UBE3B: variants seen among roughly 807,000 people sequenced by gnomAD.
UBE3B encodes the protein ubiquitin protein ligase E3B.
In UBE3B, 80 loss-of-function variants were observed where a neutral mutation model predicts 132.3. The observed-to-expected ratio is 0.60, with a 90% CI of 0.50 to 0.73. The LOEUF (loss-of-function observed/expected upper bound fraction) is 0.73. Ranked by LOEUF, UBE3B falls within the 30% of genes least tolerant of loss-of-function variation. The pLI, the probability that UBE3B is intolerant of heterozygous loss-of-function variation, is 0.00. For synonymous variants in UBE3B, 487 were observed against 520.4 expected (o/e 0.94, Z 0.87); for missense variants, 1,196 against 1,362.5 (o/e 0.88, Z 1.92).
At chr12:109,525,075 G>A (rs139010836) in intron 23 of UBE3B, among the ~76,000 whole-genome samples, 23 of 152,260 alleles carry the variant, frequency 1.5e-4, no homozygotes, top group African/African-American at 4.8e-4. Flanking sequence ...ACCACGCCAT[G>A]AGCTTCTTAA....
intron 26 of UBE3B, among the ~76,000 whole-genome samples, chr12:109,533,014 C>T (rs1883103022): frequency 6.6e-6 from 1 of 152,232 alleles, no homozygotes; most frequent in African/African-American, 2.4e-5. Context: ...TCTGTTCGCA[C>T]CACGTGCAGT....
At position 109,482,538 on chromosome 12, in the gene UBE3B, A is replaced by G. The variant is rs561907019; in HGVS notation, c.-22+796A>G. Among the ~76,000 whole-genome samples the G allele has an allele frequency of 3.3e-5, 5 of 152,336 alleles. No homozygotes were observed. In the South Asian group the frequency reaches 8.3e-4, roughly 25 times the overall value. On this transcript the variant is annotated intron_variant, in intron 2 of 27. Transcript: ENST00000342494. ...TTCATGTGGGTGCTACTTCAAGTAAAGTAGCCTGGTAGAGAGATTGTTTTC... is the reference window on the plus strand; with the variant it reads ...TTCATGTGGGTGCTACTTCAAGTAAGGTAGCCTGGTAGAGAGATTGTTTTC...
chr12:109,511,316 C>G lies in UBE3B; in HGVS notation c.1956+13C>G, dbSNP rs995028114. The G allele has an allele frequency of 3.1e-6, 5 of 1,612,458 alleles. No individual in the cohort carries two copies. Among genetic ancestry groups the G allele is most frequent in the Non-Finnish European group, 4.2e-6 (5 of 1,178,758 alleles). Reference sequence around the variant, plus strand: ...CCCTCACAAAAACGTGAGTTGCACTCAGAGCTGGGCCCCGATGTGTCTTTC... The same window carrying G: ...CCCTCACAAAAACGTGAGTTGCACTGAGAGCTGGGCCCCGATGTGTCTTTC... On this transcript the variant is annotated intron_variant, in intron 18 of 27. Coordinates refer to ENST00000342494, the MANE Select transcript of UBE3B (RefSeq NM_130466.4).
rs1337257519 is a variant in UBE3B at position 109,483,903 on chromosome 12, C to G, written c.204C>G (p.Ser68=). The G allele has an allele frequency of 6.2e-7, 1 of 1,613,944 alleles. No individual in the cohort carries two copies. The highest frequency in any genetic ancestry group is 1.1e-5 in the South Asian group (1 of 91,026). The part of the protein sequence containing the change: ...DDFFKADDPE[S]TKRSALCIFK... ...TTTTTAAAGCAGATGACCCTGAGTC[C>G]ACTAAAAGAAGTGCACTTTGTATTT... Residue 68 remains serine (S), a synonymous_variant, in exon 4 of 28, where the codon TCC becomes TCG. Transcript: ENST00000342494.
At chr12:109,514,918 T>C (rs1025848997) in intron 18 of UBE3B, among the ~76,000 whole-genome samples, 15 of 151,424 alleles carry the variant, frequency 9.9e-5, no homozygotes, top group Admixed American at 2.0e-4. Context: ...TCTTCTTCTT[T>C]TTTTTTTTTT....
rs1592917256 is a variant in UBE3B at position 109,501,572 on chromosome 12, T to C, written c.1282+38T>C. On this transcript the variant is annotated intron_variant, in intron 13 of 27. Coordinates refer to ENST00000342494, the MANE Select transcript of UBE3B (RefSeq NM_130466.4). ...AGCAGGCCCAACCCTGTAGCTCCAC[T>C]TGGCTGAAGTACAGCTCCTGTTTCT... The C allele has an allele frequency of 8.2e-6, 13 of 1,593,196 alleles. No homozygotes were observed. In the East Asian group the frequency reaches 1.1e-4, roughly 14 times the overall value.
intron 5 of UBE3B, 92 bp downstream of exon 5, chr12:109,486,163 C>A: frequency 7.6e-7 from 1 of 1,320,774 alleles, no homozygotes; most frequent in Non-Finnish European, 1.0e-6. Context: ...AGGACCAATT[C>A]ACACACAAAT....
At chr12:109,512,074 C>T (rs1027951607) in intron 18 of UBE3B, among the ~76,000 whole-genome samples, 12 of 152,066 alleles carry the variant, frequency 7.9e-5, no homozygotes, top group African/African-American at 1.4e-4. Context: ...AGTTCAGCAT[C>T]GAGCAGGTAG....
chr12:109,545,611 A>G, the UBE3B span, among the ~76,000 whole-genome samples: 2 of 152,198 alleles, frequency 1.3e-5, no homozygotes, highest in African/African-American at 4.8e-5. Context: ...GCCACACTCC[A>G]GAGCCCTCAC....
intron 9 of UBE3B, among the ~76,000 whole-genome samples, chr12:109,495,236 G>A (rs1878023474): frequency 6.6e-6 from 1 of 152,200 alleles, no homozygotes; most frequent in South Asian, 2.1e-4. Context: ...AAAGTATATA[G>A]TGTGAATTCT....
At chr12:109,497,746 T>G in intron 9 of UBE3B, 72 bp from the exon 10 acceptor site, 1 of 1,443,184 alleles carries the variant, frequency 6.9e-7, no homozygotes, top group Non-Finnish European at 9.7e-7. Context: ...TTTGAGCACG[T>G]TGGTGGGGTT....
intron 19 of UBE3B, among the ~76,000 whole-genome samples, chr12:109,517,748 C>T (rs1881234900): frequency 6.6e-6 from 1 of 152,170 alleles, no homozygotes; most frequent in Non-Finnish European, 1.5e-5. Flanking sequence ...AGCTGCAGTT[C>T]CCCATGAGCC....
At chr12:109,491,349 G>A (rs1877441563) in intron 9 of UBE3B, 1 of 399,602 alleles carries the variant, frequency 2.5e-6, no homozygotes, top group Non-Finnish European at 4.4e-6. Context: ...GAATATTATT[G>A]CAGTGTGATC....
intron 24 of UBE3B, among the ~76,000 whole-genome samples, chr12:109,528,765 A>G (rs943211490): frequency 1.3e-5 from 2 of 151,912 alleles, no homozygotes; most frequent in Non-Finnish European, 2.9e-5. Flanking sequence ...CAGGAAAATC[A>G]CTTGAACCCA....
intron 9 of UBE3B, among the ~76,000 whole-genome samples, chr12:109,497,484 C>T (rs1165490418): frequency 6.6e-6 from 1 of 152,220 alleles, no homozygotes; most frequent in African/African-American, 2.4e-5. Flanking sequence ...CCAAAACCCC[C>T]TTTTTTCCCT....
chr12:109,503,224 C>T (rs764717237), intron 14 of UBE3B, 34 bp downstream of exon 14: 10 of 1,598,124 alleles, frequency 6.3e-6, no homozygotes, highest in Non-Finnish European at 7.7e-6. Context: ...CTTCACCTCT[C>T]ACATTTGGCA....
intron 1 of UBE3B, 111 bp from the exon 2 acceptor site, chr12:109,481,526 A>G (rs1488905460): frequency 1.3e-5 from 2 of 150,328 alleles, no homozygotes; most frequent in East Asian, 4.1e-4. Context: ...TGGTGTTTTT[A>G]AAAAACCATT....
In UBE3B at chr12:109,536,175, A is replaced by T. The variant is rs1883418979; in HGVS notation, c.*1393A>T. ...TCGAGCCCCCAGGCTTCTGGAAAAG[A>T]GTGTGTGCTCTACTTTGATGGAAAC... On this transcript the variant is annotated 3_prime_UTR_variant, in exon 28 of 28. Transcript: ENST00000342494. 1 of 152,256 alleles carries T rather than the reference A, an allele frequency of 6.6e-6. No homozygotes were observed. The highest frequency in any genetic ancestry group is 1.5e-5 in the Non-Finnish European group (1 of 68,056). 9.4% of individuals were successfully genotyped at this position (152,256 alleles called of 1,614,324 possible).
chr12:109,513,233 T>C (rs1241657624), intron 18 of UBE3B, among the ~76,000 whole-genome samples: 1 of 152,136 alleles, frequency 6.6e-6, no homozygotes, highest in Non-Finnish European at 1.5e-5. Flanking sequence ...CTCTGACCAT[T>C]GCATTCCCAT....
Sources: allele counts gnomAD v4.1 joint callset (sites outside exome capture counted in the v4.1 genomes callset), GRCh38; gene constraint gnomAD v4.1.1; transcripts MANE v1.5; gene names NCBI Gene and HGNC (gene_info 2026-07-23, HGNC 2026-07-21).